The following CHRDL1 variants were observed in gnomAD, a reference collection of about 807,000 sequenced individuals.
The protein encoded by CHRDL1 is chordin like 1.
CHRDL1 carries 19 observed loss-of-function variants against 40.9 expected under a neutral mutation model. That is an observed-to-expected ratio of 0.46 (90% confidence interval 0.32 to 0.68). The LOEUF is 0.68. Ranked by LOEUF, CHRDL1 falls within the 30% of genes least tolerant of loss-of-function variation. The pLI is 0.03. For missense variants in CHRDL1, 329 were observed against 352.1 expected (o/e 0.93, Z 0.53); for synonymous variants, 136 against 123.4 (o/e 1.10, Z -0.68).
chrX:110,701,810 T>TCA (rs1203766777), intron 6 of CHRDL1, among the ~76,000 whole-genome samples: 78 of 110,827 alleles, frequency 7.0e-4, no homozygotes, highest in Middle Eastern at 4.7e-3. Flanking sequence ...CCAGACCCTG[T>TCA]CACACACACA....
In CHRDL1 at chrX:110,673,856, T is replaced by C. The variant is rs1273031569; in HGVS notation, c.*2375A>G. The C allele has an allele frequency of 8.9e-6, 1 of 112,261 alleles. No individual in the cohort carries two copies. Among genetic ancestry groups the C allele is most frequent in the Admixed American group, 9.5e-5 (1 of 10,569 alleles). The allele number at this position is 112,261 out of a possible 1,213,427, so 9.3% of individuals were successfully genotyped here. On this transcript the variant is annotated 3_prime_UTR_variant, in exon 12 of 12. Transcript: ENST00000372042. ...ATTACTTATGCAACAAGACTACAGATGATTTTTCAAAATTAACTTTTTTAT... is the reference window on the plus strand; with the variant it reads ...ATTACTTATGCAACAAGACTACAGACGATTTTTCAAAATTAACTTTTTTAT...
intron 4 of CHRDL1, among the ~76,000 whole-genome samples, chrX:110,751,916 T>C (rs753026294): frequency 8.9e-6 from 1 of 111,969 alleles, no homozygotes; most frequent in Admixed American, 9.4e-5. Context: ...GTGGTATATA[T>C]ACACAATGGA....
chrX:110,743,155 TAGA>T (rs1390317321), intron 4 of CHRDL1, among the ~76,000 whole-genome samples: 1 of 112,952 alleles, frequency 8.9e-6, no homozygotes, highest in Non-Finnish European at 1.9e-5. Flanking sequence ...AGTGCAGATA[TAGA>T]ATGTTTCCAT....
In CHRDL1 at chrX:110,679,382, C is replaced by T. The variant is rs2069847207; in HGVS notation, c.1200G>A (p.Met400Ile). 3 of 1,208,048 alleles carry T rather than the reference C, an allele frequency of 2.5e-6. No homozygotes were observed. The highest frequency in any genetic ancestry group is 1.7e-5 in the African/African-American group (1 of 57,252). ...GCTTGAAGTGAGGAAGCTCCTCAAA[C>T]ATCCTCTTGGAGATCTTCTCAATAT... ...HFHIEKISKR[M>I]FEELPHFKLV... is the part of the protein sequence containing the mutation. The change falls in exon 11 of 12, where the codon ATG becomes ATA. Residue 400 changes from methionine (M) to isoleucine (I), a missense_variant. By Grantham distance (10) the Met-to-Ile change is conservative. Transcript: ENST00000372042.
chrX:110,773,701 C>T (rs1359851076), intron 2 of CHRDL1, among the ~76,000 whole-genome samples: 3 of 95,546 alleles, frequency 3.1e-5, no homozygotes, highest in African/African-American at 1.2e-4. Context: ...GCACTCCACC[C>T]TGGGCGACAG....
intron 4 of CHRDL1, among the ~76,000 whole-genome samples, chrX:110,745,562 A>T (rs1223597605): frequency 1.8e-5 from 2 of 111,600 alleles, no homozygotes; most frequent in Non-Finnish European, 3.8e-5. Context: ...GTCAGAACCC[A>T]GCTCAAATGT....
intron 10 of CHRDL1, 80 bp from the exon 11 acceptor site, chrX:110,679,505 A>T: frequency 3.1e-6 from 2 of 653,617 alleles, no homozygotes; most frequent in Non-Finnish European, 5.0e-6. Flanking sequence ...GCTCAGGCTC[A>T]GCATATCATT....
intron 2 of CHRDL1, among the ~76,000 whole-genome samples, chrX:110,775,739 C>T (rs913087347): frequency 1.2e-4 from 13 of 110,125 alleles, no homozygotes; most frequent in Non-Finnish European, 2.1e-4. Flanking sequence ...TAATATTGAC[C>T]GTATTTGCAA....
Position 110,689,590 on chromosome X carries a change from ATATATCTATATATATC to A in CHRDL1, c.779-803_779-788del, listed in dbSNP as rs1569461792. Among the ~76,000 whole-genome samples, 68 of 10,857 alleles carry A rather than the reference ATATATCTATATATATC, an allele frequency of 6.3e-3. 15 individuals carry two copies. The highest frequency in any genetic ancestry group is 0.012 in the African/African-American group (13 of 1,104). The allele number at this position is 10,857 out of a possible 115,157, so 9.4% of individuals were successfully genotyped here. A position where few individuals can be genotyped will look rare whatever the true frequency, so the allele number is the denominator to read the frequency against. ...TATATATCTATATATCTATATATCTATATATCTATATATATCTATATATCTATATATCTATATATCT... is the reference window on the plus strand; with the variant it reads ...TATATATCTATATATCTATATATCTATATATATCTATATATCTATATATCT... On this transcript the variant is annotated intron_variant, in intron 8 of 11. Coordinates refer to ENST00000372042, the MANE Select transcript of CHRDL1 (RefSeq NM_001143981.2).
At chrX:110,765,284 C>A (rs763890680) in intron 2 of CHRDL1, among the ~76,000 whole-genome samples, 1 of 111,913 alleles carries the variant, frequency 8.9e-6, no homozygotes, top group African/African-American at 3.3e-5. Context: ...TGTAAAATTC[C>A]TCTCTTTGTA....
chrX:110,736,169 T>C (rs1292815562), intron 4 of CHRDL1, among the ~76,000 whole-genome samples: 1 of 112,324 alleles, frequency 8.9e-6, no homozygotes, highest in Non-Finnish European at 1.9e-5. Flanking sequence ...TCATCTGCCA[T>C]GTCATGGAAC....
intron 2 of CHRDL1, among the ~76,000 whole-genome samples, chrX:110,780,558 C>T (rs1037639154): frequency 9.0e-5 from 10 of 111,303 alleles, no homozygotes; most frequent in Admixed American, 7.6e-4. Flanking sequence ...TGACAAAGAT[C>T]CTTACATATA....
At chrX:110,786,379 T>A (rs970552151) in intron 2 of CHRDL1, among the ~76,000 whole-genome samples, 1 of 112,013 alleles carries the variant, frequency 8.9e-6, no homozygotes, top group Non-Finnish European at 1.9e-5. Context: ...AAATCTTAAA[T>A]GGATAAAATA....
At chrX:110,777,112 G>C (rs918984973) in intron 2 of CHRDL1, among the ~76,000 whole-genome samples, 1 of 111,245 alleles carries the variant, frequency 9.0e-6, no homozygotes, top group Non-Finnish European at 1.9e-5. Flanking sequence ...AGCCTTTTCA[G>C]ATTGGCTTCT....
rs758293619 is a variant in CHRDL1, at chrX:110,689,072, G to GTATATA, written c.779-275_779-270dup. 6.0e-3 allele frequency among the ~76,000 whole-genome samples: 188 copies of GTATATA among 31,076 alleles called. 1 individual carries two copies. The highest frequency in any genetic ancestry group is 6.9e-3 in the African/African-American group (28 of 4,055). The allele number at this position is 31,076 out of a possible 115,157, so 27.0% of individuals were successfully genotyped here. On this transcript the variant is annotated intron_variant, in intron 8 of 11. Coordinates refer to ENST00000372042, the MANE Select transcript of CHRDL1 (RefSeq NM_001143981.2). ...GTAGGCAGTCCATAAATATATATAT[G>GTATATA]TATATATATATATATATATATATAT...
intron 9 of CHRDL1, among the ~76,000 whole-genome samples, chrX:110,685,513 TC>T (rs1323589081): frequency 1.2e-4 from 14 of 112,113 alleles, no homozygotes; most frequent in African/African-American, 4.5e-4. Context: ...TCTGTCCGCC[TC>T]GGACTCCCAA....
rs2070172053 is a variant in CHRDL1 at position 110,689,709 on chromosome X, A to ATC, written c.779-907_779-906insGA. Among the ~76,000 whole-genome samples, 17 of 30,286 alleles carry ATC rather than the reference A, an allele frequency of 5.6e-4. No homozygotes were observed. In the South Asian group the frequency reaches 0.017, roughly 30 times the overall value. The allele number at this position is 30,286 out of a possible 115,157, so 26.3% of individuals were successfully genotyped here. A position where few individuals can be genotyped will look rare whatever the true frequency, so the allele number is the denominator to read the frequency against. On this transcript the variant is annotated intron_variant, in intron 8 of 11. Coordinates refer to ENST00000372042, the MANE Select transcript of CHRDL1 (RefSeq NM_001143981.2). Reference sequence around the variant, plus strand: ...TATATATCTATATATCTATATATCTATATATATATCTATATATATCTATAT... The same window carrying ATC: ...TATATATCTATATATCTATATATCTATCTATATATATCTATATATATCTATAT...
intron 6 of CHRDL1, 99 bp downstream of exon 6, chrX:110,719,736 T>A: frequency 2.4e-6 from 1 of 410,057 alleles, no homozygotes; most frequent in South Asian, 7.3e-5. Flanking sequence ...ACCATAAAAA[T>A]TACCTTTCCC....
At chrX:110,713,444 T>G (rs1354696532) in intron 6 of CHRDL1, among the ~76,000 whole-genome samples, 1 of 112,101 alleles carries the variant, frequency 8.9e-6, no homozygotes, top group African/African-American at 3.2e-5. Flanking sequence ...AAGGCCTTGA[T>G]GGGAAAACAT....
Sources: gnomAD v4.1 joint callset for allele counts (sites outside exome capture counted in the v4.1 genomes callset) on GRCh38, gnomAD v4.1.1 for gene constraint, MANE v1.5 for transcripts, NCBI Gene and HGNC (gene_info 2026-07-23, HGNC 2026-07-21) for gene names.